Variants in HDAC4 observed in about 807,000 individuals in gnomAD.
HDAC4 encodes the protein histone deacetylase 4, also known as histone deacetylase A.
Under a neutral mutation model 135.1 loss-of-function variants are expected in HDAC4, and 16 were observed. The observed-to-expected ratio is 0.12, with a 90% confidence interval of 0.08 to 0.18. The LOEUF is 0.18. HDAC4 is among the 10% of genes least tolerant of loss of function. The probability of loss-of-function intolerance (pLI) is 1.00; values close to 1 mark genes in which losing one functional copy is unlikely to be tolerated. For missense variants in HDAC4, 1,143 were observed against 1,511.8 expected, an observed-to-expected ratio of 0.76 and a Z score of 4.05; for synonymous variants, 685 against 653.4, an observed-to-expected ratio of 1.05 and a Z score of -0.74.
intron 2 of HDAC4, among the ~76,000 whole-genome samples, chr2:239,330,324 C>T (rs1691485091): frequency 6.6e-6 from 1 of 152,262 alleles, no homozygotes; most frequent in Admixed American, 6.5e-5. Flanking sequence ...AGATGCCTCA[C>T]AGGAGACCCC....
At chr2:239,244,075 G>A (rs2048339418) in intron 2 of HDAC4, among the ~76,000 whole-genome samples, 1 of 152,094 alleles carries the variant, frequency 6.6e-6, no homozygotes, top group Non-Finnish European at 1.5e-5. Flanking sequence ...GGGACTCCAG[G>A]GACTGAGCTG....
intron 11 of HDAC4, among the ~76,000 whole-genome samples, chr2:239,129,785 G>A (rs549872667): frequency 1.3e-5 from 2 of 152,168 alleles, no homozygotes; most frequent in African/African-American, 2.4e-5. Context: ...GTTCCCGAGT[G>A]AGCATGCTGG....
At chr2:239,122,811 G>A (rs2039807200) in intron 12 of HDAC4, among the ~76,000 whole-genome samples, 1 of 152,212 alleles carries the variant, frequency 6.6e-6, no homozygotes, top group South Asian at 2.1e-4. Flanking sequence ...TAAGGTACAG[G>A]CTGAAGGAGG....
intron 2 of HDAC4, among the ~76,000 whole-genome samples, chr2:239,284,956 A>T (rs925663483): frequency 6.6e-6 from 1 of 152,210 alleles, no homozygotes; most frequent in African/African-American, 2.4e-5. Flanking sequence ...AAAACTTACA[A>T]GGAAAATGAG....
chr2:239,054,969 AT>A (rs1197764435), intron 24 of HDAC4, 136 bp from the exon 25 acceptor site: 1 of 707,472 alleles, frequency 1.4e-6, no homozygotes, highest in Non-Finnish European at 2.5e-6. Context: ...GTAGAAAAAA[AT>A]AACTTTAAAA....
intron 12 of HDAC4, among the ~76,000 whole-genome samples, chr2:239,117,031 T>G (rs1279317333): frequency 6.6e-6 from 1 of 152,204 alleles, no homozygotes; most frequent in Non-Finnish European, 1.5e-5. Flanking sequence ...CACTTCTGAC[T>G]CATCCACGTG....
Position 239,102,807 on chromosome 2 carries a change from G to A in HDAC4, c.2202C>T (p.Asn734=), listed in dbSNP as rs1300251940. The A allele has an allele frequency of 1.2e-6, 2 of 1,613,940 alleles. No individual in the cohort carries two copies. The highest frequency in any genetic ancestry group is 4.5e-5 in the East Asian group (2 of 44,878). The change falls in exon 16 of 27, where the codon AAC becomes AAT. Residue 734 remains asparagine (N), a synonymous_variant. Transcript: ENST00000543185. The stretch of plus-strand genomic sequence containing the variant: ...GTTTCTTACTGTCCAGTTTCTGCCG[G>A]TTGAGGGGGTTCGTGCCATACAGGA... ...HTLLYGTNPL[N]RQKLDSKKLL...
chr2:239,125,288 C>T (rs965937775), intron 12 of HDAC4, among the ~76,000 whole-genome samples: 2 of 152,138 alleles, frequency 1.3e-5, no homozygotes, highest in Admixed American at 6.5e-5. Flanking sequence ...GAGGTCTGGT[C>T]GGTTAGAAGT....
chr2:239,317,022 G>A (rs1229560045), intron 2 of HDAC4, among the ~76,000 whole-genome samples: 1 of 152,194 alleles, frequency 6.6e-6, no homozygotes, highest in African/African-American at 2.4e-5. Flanking sequence ...GCTGGGGCAG[G>A]GTGGGGTGTG....
chr2:239,353,729 T>C (rs1693310466), intron 1 of HDAC4, among the ~76,000 whole-genome samples: 2 of 152,180 alleles, frequency 1.3e-5, no homozygotes, highest in Non-Finnish European at 2.9e-5. Flanking sequence ...AAGCAGAGTA[T>C]CTTCCAACTA....
rs1212348089 is a variant in HDAC4, at chr2:239,068,708, C to T, written c.2751-101G>A. 9.7e-7 allele frequency: 1 copy of T among 1,028,420 alleles called. No homozygotes were observed. Among genetic ancestry groups the T allele is most frequent in the Non-Finnish European group, 1.5e-6 (1 of 651,290 alleles). 63.7% of individuals were successfully genotyped at this position (1,028,420 alleles called of 1,614,324 possible). On this transcript the variant is annotated intron_variant, in intron 22 of 26. Coordinates refer to ENST00000543185, the MANE Select transcript of HDAC4 (RefSeq NM_001378414.1). This position sits in a 1 kb window ranked among gnomAD's most constrained non-coding sequence, Gnocchi z 4.4. ...TCTGGCATTGATAATGCCTGCCCCG[C>T]ACCCCCTCGGCCACTGGCGGGCTGA...
At chr2:239,325,411 C>T (rs2053440745) in intron 2 of HDAC4, among the ~76,000 whole-genome samples, 1 of 152,154 alleles carries the variant, frequency 6.6e-6, no homozygotes, top group Non-Finnish European at 1.5e-5. Context: ...GGGCAAAAGA[C>T]GTGAAGAGAC....
rs571171806 is a variant in HDAC4, at chr2:239,197,379, C to A, written c.95-7302G>T. 4.6e-5 allele frequency among the ~76,000 whole-genome samples: 7 copies of A among 152,320 alleles called. No homozygotes were observed. The South Asian group carries it at 1.2e-3, about 27-fold the overall frequency. On this transcript the variant is annotated intron_variant, in intron 3 of 26. Transcript: ENST00000543185. ...GTATCTATAAGGTCTTCTCCAGGCC[C>A]CCAGCGTTCCGAAATTTCGAAGCCG...
intron 2 of HDAC4, among the ~76,000 whole-genome samples, chr2:239,312,749 G>A (rs1471429396): frequency 1.3e-5 from 2 of 152,302 alleles, no homozygotes; most frequent in African/African-American, 2.4e-5. Context: ...CACACCCCTC[G>A]ACTGCACCAC....
intron 3 of HDAC4, among the ~76,000 whole-genome samples, chr2:239,205,978 G>A (rs1434011166): frequency 6.6e-6 from 1 of 152,168 alleles, no homozygotes; most frequent in African/African-American, 2.4e-5. Flanking sequence ...TCAGGTTGGG[G>A]CAGGATCCAT....
chr2:239,391,441 G>C (rs920039869), intron 1 of HDAC4, among the ~76,000 whole-genome samples: 1 of 152,160 alleles, frequency 6.6e-6, no homozygotes, highest in African/African-American at 2.4e-5. Context: ...TCCAAGGCCC[G>C]GTCAGCAGCA....
intron 3 of HDAC4, among the ~76,000 whole-genome samples, chr2:239,228,807 G>C (rs965428565): frequency 5.9e-5 from 9 of 152,124 alleles, no homozygotes; most frequent in African/African-American, 1.9e-4. Flanking sequence ...TAGTGACCAA[G>C]CAGGAGGGCG....
chr2:239,100,433 T>C (rs2152757197), intron 16 of HDAC4, among the ~76,000 whole-genome samples: 1 of 152,356 alleles, frequency 6.6e-6, no homozygotes, highest in Admixed American at 6.5e-5. Context: ...TTTCCCCTTT[T>C]CCACTGAACT....
rs190665609 is a variant in HDAC4, at chr2:239,126,444, C to T, written c.1533+12G>A. 5.0e-4 allele frequency: 799 copies of T among 1,613,452 alleles called. 2 individuals are homozygous for T. In the African/African-American group the frequency reaches 8.8e-3, roughly 18 times the overall value. ...GCCCTGGGGCCTGGGAGCGCTGAGC[C>T]GGCAAACCCACCTTGTTCATCTGCA... On this transcript the variant is annotated intron_variant, in intron 12 of 26. Transcript: ENST00000543185.
Sources: gnomAD v4.1 joint callset for allele counts (sites outside exome capture counted in the v4.1 genomes callset) on GRCh38, gnomAD v4.1.1 for gene constraint, Gnocchi (gnomAD v3.1) non-coding constraint, MANE v1.5 for transcripts, NCBI Gene and HGNC (gene_info 2026-07-23, HGNC 2026-07-21) for gene names.